CADPS2: variants seen among roughly 807,000 people sequenced by gnomAD.
The protein encoded by CADPS2 is calcium dependent secretion activator 2.
In CADPS2, 93 loss-of-function variants were observed where a neutral mutation model predicts 172.5. The observed-to-expected ratio is 0.54, with a 90% CI of 0.46 to 0.64. CADPS2 has a LOEUF of 0.64. Ranked by LOEUF, CADPS2 falls within the 30% of genes least tolerant of loss-of-function variation. The probability of loss-of-function intolerance (pLI) is 0.00; values close to 1 mark genes in which losing one functional copy is unlikely to be tolerated. For missense variants in CADPS2, 1,420 were observed against 1,565.9 expected, an observed-to-expected ratio of 0.91 and a Z score of 1.57; for synonymous variants, 546 against 555.2, an observed-to-expected ratio of 0.98 and a Z score of 0.23.
intron 17 of CADPS2, among the ~76,000 whole-genome samples, chr7:122,422,936 G>A (rs2048706217): frequency 6.6e-6 from 1 of 152,120 alleles, no homozygotes; most frequent in Non-Finnish European, 1.5e-5. Flanking sequence ...CCCAGTCTGG[G>A]TGACAGAGTG....
At chr7:122,420,245 G>A (rs1191012355) in intron 17 of CADPS2, among the ~76,000 whole-genome samples, 1 of 152,078 alleles carries the variant, frequency 6.6e-6, no homozygotes, top group Non-Finnish European at 1.5e-5. Flanking sequence ...TAATAGAAAG[G>A]AATCACAGAA....
At chr7:122,550,082 G>C (rs1489582951) in intron 8 of CADPS2, among the ~76,000 whole-genome samples, 1 of 152,156 alleles carries the variant, frequency 6.6e-6, no homozygotes. Flanking sequence ...GTTTATGTAG[G>C]CATGCTGTCC....
chr7:122,391,354 T>C (rs1450068160), intron 22 of CADPS2, among the ~76,000 whole-genome samples: 1 of 151,980 alleles, frequency 6.6e-6, no homozygotes, highest in Non-Finnish European at 1.5e-5. Context: ...GGGCCCTCAA[T>C]AAGGGATTCA....
intron 29 of CADPS2, among the ~76,000 whole-genome samples, chr7:122,325,113 C>G (rs1230090545): frequency 2.0e-5 from 3 of 151,982 alleles, no homozygotes; most frequent in Non-Finnish European, 4.4e-5. Flanking sequence ...AGTACAAAAG[C>G]CCTCACAATG....
chr7:122,381,593 C>T (rs6466817), intron 24 of CADPS2, among the ~76,000 whole-genome samples: 66,843 of 151,552 alleles, frequency 0.44, 14,925 homozygotes, highest in East Asian at 0.51. Flanking sequence ...AATCAAGGGA[C>T]GAGCCACAAA....
At chr7:122,773,290 A>G (rs1377027873) in intron 1 of CADPS2, among the ~76,000 whole-genome samples, 1 of 151,964 alleles carries the variant, frequency 6.6e-6, no homozygotes, top group East Asian at 1.9e-4. Context: ...CCCTTAGCCT[A>G]AGGCCTAAAG....
rs759038049 is a variant in CADPS2, at chr7:122,393,295, G to A, written c.2909C>T (p.Pro970Leu). 6.2e-7 allele frequency: 1 copy of A among 1,613,860 alleles called. No individual in the cohort carries two copies. Among genetic ancestry groups the A allele is most frequent in the Non-Finnish European group, 8.5e-7 (1 of 1,179,798 alleles). ...TGGAACTTTTGGAAGAGCTACATTG[G>A]GAAGACTGTTGGCGATATTCCTGTA... ...QPVKNIANSLPNVALPKVPSL... is the reference protein window; with the variant it reads ...QPVKNIANSLLNVALPKVPSL... Residue 970 changes from proline to leucine, a missense_variant, in exon 22 of 30, where the codon CCC becomes CTC. By Grantham distance (98) the Pro-to-Leu change is moderately conservative. Transcript: ENST00000449022.
chr7:122,853,238 G>C (rs1193716266), intron 1 of CADPS2, among the ~76,000 whole-genome samples: 2 of 152,124 alleles, frequency 1.3e-5, no homozygotes, highest in Admixed American at 1.3e-4. Flanking sequence ...GGAAGAAAAA[G>C]GTCAGGGTAT....
chr7:122,748,418 T>C (rs2092810859), intron 1 of CADPS2, among the ~76,000 whole-genome samples: 1 of 152,082 alleles, frequency 6.6e-6, no homozygotes, highest in Non-Finnish European at 1.5e-5. Context: ...GCTGAAGCCA[T>C]ATTTGCAAGA....
intron 3 of CADPS2, among the ~76,000 whole-genome samples, 173 bp downstream of exon 3, chr7:122,663,064 T>G (rs1253143492): frequency 1.3e-5 from 2 of 152,214 alleles, no homozygotes; most frequent in Admixed American, 1.3e-4. Context: ...TACCAAATAC[T>G]TTTTTCAAAA....
At chr7:122,599,939 T>G (rs1266981821) in intron 6 of CADPS2, among the ~76,000 whole-genome samples, 1 of 152,062 alleles carries the variant, frequency 6.6e-6, no homozygotes, top group African/African-American at 2.4e-5. Context: ...TATTTTACTG[T>G]GAAATTCTTG....
rs11446267 is a variant in CADPS2 at position 122,480,297 on chromosome 7, A to ATT, written c.1861+553_1861+554dup. Among the ~76,000 whole-genome samples, 312 of 150,760 alleles carry ATT rather than the reference A, an allele frequency of 2.1e-3. 2 individuals carry two copies. Among genetic ancestry groups the ATT allele is most frequent in the African/African-American group, 6.8e-3 (280 of 41,152 alleles). On this transcript the variant is annotated intron_variant, in intron 12 of 29. Transcript: ENST00000449022. The stretch of plus-strand genomic sequence containing the variant: ...GTCTTCCAGTAAGTTAGATTTTATA[A>ATT]TTTTTTTTTTATTTTTCCTAGTTAT...
chr7:122,885,621 T>A (rs922355197), intron 1 of CADPS2, among the ~76,000 whole-genome samples: 7 of 152,074 alleles, frequency 4.6e-5, no homozygotes, highest in African/African-American at 1.4e-4. Flanking sequence ...TCTAGCAATA[T>A]CACGCCAGGC....
intron 25 of CADPS2, among the ~76,000 whole-genome samples, chr7:122,364,465 G>A (rs1183786262): frequency 2.0e-5 from 3 of 147,984 alleles, no homozygotes; most frequent in African/African-American, 2.5e-5. Context: ...CGTGGCTCAC[G>A]GCTGAAATCC....
At chr7:122,530,300 T>G (rs1347635184) in intron 8 of CADPS2, among the ~76,000 whole-genome samples, 4 of 151,218 alleles carry the variant, frequency 2.6e-5, no homozygotes, top group Admixed American at 2.6e-4. Context: ...AGGTTTCCAC[T>G]TAGGCTTAAG....
At chr7:122,667,225 G>A (rs537418001) in intron 2 of CADPS2, among the ~76,000 whole-genome samples, 1 of 152,168 alleles carries the variant, frequency 6.6e-6, no homozygotes, top group Non-Finnish European at 1.5e-5. Flanking sequence ...AGTAATGTAT[G>A]TATAGTTTGA....
intron 28 of CADPS2, among the ~76,000 whole-genome samples, chr7:122,328,200 C>T (rs990272284): frequency 5.9e-5 from 9 of 151,868 alleles, no homozygotes; most frequent in African/African-American, 1.9e-4. Context: ...AGCCACCAGA[C>T]AGAAACCTCT....
chr7:122,610,094 G>C (rs1316364888), intron 6 of CADPS2, among the ~76,000 whole-genome samples: 1 of 151,662 alleles, frequency 6.6e-6, no homozygotes, highest in Non-Finnish European at 1.5e-5. Context: ...ACACAGAAAG[G>C]CTATTTTAAA....
At chr7:122,503,770 A>G (rs1330687193) in intron 9 of CADPS2, among the ~76,000 whole-genome samples, 1 of 152,158 alleles carries the variant, frequency 6.6e-6, no homozygotes, top group Non-Finnish European at 1.5e-5. Context: ...ATGCATCTAC[A>G]GTGAATTTTT....
Sources: allele counts gnomAD v4.1 joint callset (sites outside exome capture counted in the v4.1 genomes callset), GRCh38; gene constraint gnomAD v4.1.1; transcripts MANE v1.5; gene names NCBI Gene and HGNC (gene_info 2026-07-23, HGNC 2026-07-21).